GALNT16: variants seen among roughly 807,000 people sequenced by gnomAD.
The protein encoded by GALNT16 is UDP-GalNAc:polypeptide N-acetylgalactosaminyltransferase-like protein 1.
Under a neutral mutation model 76.1 loss-of-function variants are expected in GALNT16, and 40 were observed. The observed-to-expected ratio is 0.53, with a 90% CI of 0.41 to 0.68. The LOEUF is 0.68. Ranked by LOEUF, GALNT16 falls within the 30% of genes least tolerant of loss-of-function variation. The pLI, the probability that GALNT16 is intolerant of heterozygous loss-of-function variation, is 0.00. For missense variants in GALNT16, 621 were observed against 731.9 expected, an observed-to-expected ratio of 0.85 and a Z score of 1.75; for synonymous variants, 276 against 285.2, an observed-to-expected ratio of 0.97 and a Z score of 0.32.
chr14:69,334,975 G>T (rs990584422), intron 9 of GALNT16, among the ~76,000 whole-genome samples: 5 of 152,140 alleles, frequency 3.3e-5, no homozygotes, highest in African/African-American at 1.2e-4. Context: ...TTCCTGACCA[G>T]GTGTTCTGAG....
Position 69,289,619 on chromosome 14 carries a change from C to T in GALNT16, c.177+29152C>T, listed in dbSNP as rs545952288. 4.6e-5 allele frequency among the ~76,000 whole-genome samples: 7 copies of T among 152,220 alleles called. No homozygotes were observed. The South Asian group carries it at 1.5e-3, about 32-fold the overall frequency. On this transcript the variant is annotated intron_variant, in intron 1 of 14. Coordinates refer to ENST00000448469, the MANE Select transcript of GALNT16 (RefSeq NM_001168368.2). ...GTGGTGATAGTGGTGGTGGGGCAGA[C>T]TCCTGGATGCTCCACCAGGAGTCTT... is the stretch of plus-strand genomic sequence containing the variant.
At chr14:69,385,651 G>GAA in the GALNT16 span, among the ~76,000 whole-genome samples, 171 of 126,476 alleles carry the variant, frequency 1.4e-3, no homozygotes, top group East Asian at 5.5e-3. Context: ...TAAAAAAAAG[G>GAA]AAAAAAAAAA....
chr14:69,321,058 A>C (rs2045173942), intron 2 of GALNT16, among the ~76,000 whole-genome samples, 190 bp downstream of exon 2: 1 of 152,210 alleles, frequency 6.6e-6, no homozygotes. Context: ...TGCCAAGACC[A>C]AGGAAACCGC....
At position 69,324,219 on chromosome 14, in the gene GALNT16, C is replaced by G. The variant is rs185401007; in HGVS notation, c.336-473C>G. On this transcript the variant is annotated intron_variant, in intron 2 of 14. Coordinates refer to ENST00000448469, the MANE Select transcript of GALNT16 (RefSeq NM_001168368.2). Reference sequence around the variant, plus strand: ...GTGACAGGGAGGAATTCCCTGGCAGCCAGGGTAGGGGTGATTCCTCTGCAG... The same window carrying G: ...GTGACAGGGAGGAATTCCCTGGCAGGCAGGGTAGGGGTGATTCCTCTGCAG... 8.3e-4 allele frequency among the ~76,000 whole-genome samples: 126 copies of G among 152,022 alleles called. 1 individual carries two copies. Among genetic ancestry groups the G allele is most frequent in the Middle Eastern group, 3.4e-3 (1 of 294 alleles).
chr14:69,324,090 G>T (rs180732807), intron 2 of GALNT16, among the ~76,000 whole-genome samples: 245 of 152,078 alleles, frequency 1.6e-3, no homozygotes, highest in Non-Finnish European at 1.8e-3. Flanking sequence ...ATAGGCCTTT[G>T]GTGTCTTAAC....
At chr14:69,302,894 AT>A (rs2044874155) in intron 1 of GALNT16, among the ~76,000 whole-genome samples, 1 of 152,208 alleles carries the variant, frequency 6.6e-6, no homozygotes, top group Admixed American at 6.5e-5. Context: ...CAAAAAAATT[AT>A]TTGTTGCTTA....
the GALNT16 span, among the ~76,000 whole-genome samples, chr14:69,376,011 C>A: frequency 6.6e-6 from 1 of 152,012 alleles, no homozygotes; most frequent in Non-Finnish European, 1.5e-5. Context: ...ATTCCATTTC[C>A]CCCTATTGTC....
At chr14:69,322,134 G>T (rs761370526) in intron 2 of GALNT16, among the ~76,000 whole-genome samples, 1 of 152,244 alleles carries the variant, frequency 6.6e-6, no homozygotes, top group African/African-American at 2.4e-5. Flanking sequence ...TTGCTGTCCT[G>T]TAACGCCAGC....
chr14:69,260,268 C>T lies in GALNT16; in HGVS notation c.-23C>T, dbSNP rs1414381395. On this transcript the variant is annotated 5_prime_UTR_variant, in exon 1 of 15. Coordinates refer to ENST00000448469, the MANE Select transcript of GALNT16 (RefSeq NM_001168368.2). ...GAGAGCACGCCGGCCCAGTCCCCCA[C>T]CTGGGGCGCCCGTCTGCCCACCATG... The T allele has an allele frequency of 5.6e-6, 9 of 1,609,962 alleles. No individual in the cohort carries two copies. Among genetic ancestry groups the T allele is most frequent in the Non-Finnish European group, 7.6e-6 (9 of 1,177,774 alleles).
At chr14:69,343,943 T>C (rs2045527593) in intron 12 of GALNT16, among the ~76,000 whole-genome samples, 1 of 152,228 alleles carries the variant, frequency 6.6e-6, no homozygotes, top group Non-Finnish European at 1.5e-5. Flanking sequence ...AAAGTTAAAA[T>C]AATTTTTTGT....
intron 1 of GALNT16, among the ~76,000 whole-genome samples, chr14:69,277,789 G>A (rs1949272588): frequency 6.6e-6 from 1 of 152,188 alleles, no homozygotes; most frequent in African/African-American, 2.4e-5. Context: ...GATCCTTGGG[G>A]AATTGCCCCA....
chr14:69,349,627 G>A (rs1275691), intron 14 of GALNT16: 56,350 of 152,004 alleles, frequency 0.37, 11,181 homozygotes, highest in Non-Finnish European at 0.46. Context: ...TGGTGTGATG[G>A]AGTCAGCAGG....
chr14:69,311,400 C>T (rs1038558811), intron 1 of GALNT16, among the ~76,000 whole-genome samples: 14 of 152,188 alleles, frequency 9.2e-5, no homozygotes, highest in Admixed American at 7.2e-4. Context: ...CTTCTTAATA[C>T]CACCACAATG....
the GALNT16 span, among the ~76,000 whole-genome samples, chr14:69,378,785 A>G: frequency 1.3e-5 from 2 of 152,296 alleles, no homozygotes; most frequent in East Asian, 1.9e-4. Flanking sequence ...GATCTGCTCT[A>G]GAGTATTTAA....
intron 12 of GALNT16, among the ~76,000 whole-genome samples, chr14:69,346,007 C>T (rs2045558241): frequency 6.6e-6 from 1 of 152,174 alleles, no homozygotes; most frequent in South Asian, 2.1e-4. Flanking sequence ...CCAACCTTAG[C>T]CTCCCAAGTA....
chr14:69,363,853 G>C, the GALNT16 span, among the ~76,000 whole-genome samples: 1 of 152,292 alleles, frequency 6.6e-6, no homozygotes, highest in Non-Finnish European at 1.5e-5. Flanking sequence ...ATCCTGTCAG[G>C]GATGGATTGG....
At chr14:69,359,402 A>G (rs1308593182), downstream of GALNT16, 1 of 152,196 alleles carries the variant, frequency 6.6e-6, no homozygotes, top group African/African-American at 2.4e-5. Context: ...CACGCAATAT[A>G]CACTTGTCCA....
rs375337836 is a variant in GALNT16, at chr14:69,342,167, G to A, written c.1271+403G>A. Among the ~76,000 whole-genome samples the A allele has an allele frequency of 2.1e-3, 314 of 152,094 alleles. 4 individuals are homozygous for A. Among genetic ancestry groups the A allele is most frequent in the South Asian group, 0.014 (68 of 4,820 alleles). Reference sequence around the variant, plus strand: ...AGCTGTGGTGAAAAAATGAGAAACCGCCAGGCACAGTGGGTTATGCCTGTA... The same window carrying A: ...AGCTGTGGTGAAAAAATGAGAAACCACCAGGCACAGTGGGTTATGCCTGTA... On this transcript the variant is annotated intron_variant, in intron 12 of 14. Coordinates refer to ENST00000448469, the MANE Select transcript of GALNT16 (RefSeq NM_001168368.2).
At chr14:69,282,240 G>A (rs878961844) in intron 1 of GALNT16, among the ~76,000 whole-genome samples, 10 of 152,302 alleles carry the variant, frequency 6.6e-5, no homozygotes, top group South Asian at 4.1e-4. Flanking sequence ...GTTGTGTGGC[G>A]TTGGAGTGCA....
Sources: allele counts gnomAD v4.1 joint callset (sites outside exome capture counted in the v4.1 genomes callset), GRCh38; gene constraint gnomAD v4.1.1; transcripts MANE v1.5; gene names NCBI Gene and HGNC (gene_info 2026-07-23, HGNC 2026-07-21).